Variants in RALYL observed in about 807,000 individuals in gnomAD.
The protein encoded by RALYL is RNA-binding Raly-like protein.
A neutral mutation model predicts 35.1 loss-of-function variants in RALYL; 29 were observed. The observed-to-expected ratio is 0.83, with a 90% CI of 0.61 to 1.13. The LOEUF (loss-of-function observed/expected upper bound fraction) is 1.13, where lower values mean the gene tolerates loss of function less well. Ranked by LOEUF, RALYL falls within the 50% of genes most tolerant of loss-of-function variation. The pLI is 0.00. For missense variants in RALYL, 359 were observed against 360.4 expected, an observed-to-expected ratio of 1.00 and a Z score of 0.03; for synonymous variants, 120 against 127.6, an observed-to-expected ratio of 0.94 and a Z score of 0.40.
intron 4 of RALYL, among the ~76,000 whole-genome samples, chr8:84,843,962 T>C (rs1449758505): frequency 6.6e-6 from 1 of 152,194 alleles, no homozygotes; most frequent in Non-Finnish European, 1.5e-5. Context: ...TATACAAAAA[T>C]TAATTCAAGA....
At chr8:84,554,975 T>C (rs2060995395) in intron 2 of RALYL, among the ~76,000 whole-genome samples, 1 of 152,048 alleles carries the variant, frequency 6.6e-6, no homozygotes, top group African/African-American at 2.4e-5. Context: ...ATGCTGACTT[T>C]AGATCCTAGC....
intron 4 of RALYL, chr8:84,828,912 A>C (rs763439393): frequency 6.6e-6 from 1 of 152,636 alleles, no homozygotes; most frequent in Non-Finnish European, 1.5e-5. Context: ...ATACATTATC[A>C]AGGTTGACAA....
intron 2 of RALYL, among the ~76,000 whole-genome samples, chr8:84,689,736 C>T (rs1019752156): frequency 3.6e-4 from 55 of 152,214 alleles, no homozygotes; most frequent in Non-Finnish European, 5.1e-4. Context: ...CTCTCCAGCA[C>T]CTGTTGTTTC....
intron 1 of RALYL, among the ~76,000 whole-genome samples, chr8:84,516,836 A>G (rs1313589735): frequency 6.6e-6 from 1 of 152,160 alleles, no homozygotes; most frequent in Non-Finnish European, 1.5e-5. Context: ...TTATTTTAAT[A>G]CCGATATTTG....
At chr8:84,544,046 T>C (rs1223422722) in intron 2 of RALYL, among the ~76,000 whole-genome samples, 1 of 152,066 alleles carries the variant, frequency 6.6e-6, no homozygotes, top group Non-Finnish European at 1.5e-5. Context: ...AAGAGTTTAA[T>C]AATTTTTTAT....
chr8:84,640,261 G>GT (rs1042796825), intron 2 of RALYL, among the ~76,000 whole-genome samples: 1 of 151,914 alleles, frequency 6.6e-6, no homozygotes, highest in Non-Finnish European at 1.5e-5. Flanking sequence ...TTAAATATCA[G>GT]TTTTTTAAGG....
At chr8:84,573,412 A>G (rs1191553111) in intron 2 of RALYL, among the ~76,000 whole-genome samples, 3 of 151,784 alleles carry the variant, frequency 2.0e-5, no homozygotes, top group Non-Finnish European at 4.4e-5. Context: ...TTTTGATGAG[A>G]AAACTGTGGT....
intron 2 of RALYL, among the ~76,000 whole-genome samples, chr8:84,641,745 A>G (rs1826371679): frequency 6.7e-6 from 1 of 149,898 alleles, no homozygotes; most frequent in South Asian, 2.1e-4. Flanking sequence ...CAGAAGATTC[A>G]GCTGTTTTTA....
chr8:84,890,133 G>A (rs1843576533), intron 8 of RALYL, among the ~76,000 whole-genome samples: 1 of 152,146 alleles, frequency 6.6e-6, no homozygotes, highest in Admixed American at 6.6e-5. Flanking sequence ...ATGTTAAGTT[G>A]TGATGAGATT....
chr8:84,887,278 T>A (rs1481269233), intron 7 of RALYL, among the ~76,000 whole-genome samples: 1 of 152,182 alleles, frequency 6.6e-6, no homozygotes, highest in Admixed American at 6.6e-5. Context: ...ACCATCCTTA[T>A]TAGAAAGCAC....
intron 1 of RALYL, among the ~76,000 whole-genome samples, chr8:84,462,251 A>T (rs769643906): frequency 2.0e-5 from 3 of 150,950 alleles, no homozygotes; most frequent in Non-Finnish European, 4.4e-5. Context: ...CTTTGATGAG[A>T]TGTTCTTCAG....
intron 1 of RALYL, among the ~76,000 whole-genome samples, chr8:84,234,843 C>T (rs1826150705): frequency 6.6e-6 from 1 of 151,798 alleles, no homozygotes; most frequent in Admixed American, 6.6e-5. Flanking sequence ...CAGCTCACCA[C>T]AACCTCTGCC....
chr8:84,406,434 T>G (rs543658772), intron 1 of RALYL, among the ~76,000 whole-genome samples: 1 of 151,842 alleles, frequency 6.6e-6, no homozygotes, highest in Non-Finnish European at 1.5e-5. Context: ...GGAGTAGTGA[T>G]GAAAAATAAA....
At chr8:84,207,307 A>AT (rs1818285750) in intron 1 of RALYL, among the ~76,000 whole-genome samples, 1 of 151,982 alleles carries the variant, frequency 6.6e-6, no homozygotes, top group Non-Finnish European at 1.5e-5. Context: ...TATATATAAC[A>AT]TTATATATAT....
intron 1 of RALYL, among the ~76,000 whole-genome samples, chr8:84,320,449 CTT>C (rs1844594908): frequency 6.6e-6 from 1 of 151,686 alleles, no homozygotes; most frequent in Non-Finnish European, 1.5e-5. Flanking sequence ...CATACACACA[CTT>C]ATGTCTCATT....
At chr8:84,483,632 G>T (rs1265353255) in intron 1 of RALYL, among the ~76,000 whole-genome samples, 1 of 152,078 alleles carries the variant, frequency 6.6e-6, no homozygotes, top group Non-Finnish European at 1.5e-5. Context: ...AACTCAAAAG[G>T]TGGAAAATGT....
intron 2 of RALYL, among the ~76,000 whole-genome samples, chr8:84,723,736 C>A (rs1844425441): frequency 6.6e-6 from 1 of 151,762 alleles, no homozygotes; most frequent in South Asian, 2.1e-4. Context: ...TGAGAATATT[C>A]TTCTCTTCTG....
intron 1 of RALYL, among the ~76,000 whole-genome samples, chr8:84,458,066 C>A (rs2050339045): frequency 6.6e-6 from 1 of 151,832 alleles, no homozygotes; most frequent in South Asian, 2.1e-4. Flanking sequence ...CCATTGGCAT[C>A]TGATCAAAAT....
intron 1 of RALYL, among the ~76,000 whole-genome samples, chr8:84,224,748 C>G (rs1261141155): frequency 6.6e-6 from 1 of 151,904 alleles, no homozygotes; most frequent in Non-Finnish European, 1.5e-5. Flanking sequence ...CCTCTACCTC[C>G]TGGGTTCAAG....
Sources: gnomAD v4.1 joint callset for allele counts (sites outside exome capture counted in the v4.1 genomes callset) on GRCh38, gnomAD v4.1.1 for gene constraint, MANE v1.5 for transcripts, NCBI Gene and HGNC (gene_info 2026-07-23, HGNC 2026-07-21) for gene names.